The following DAD1 variants were observed in gnomAD, a reference collection of about 807,000 sequenced individuals.
The protein encoded by DAD1 is dolichyl-diphosphooligosaccharide--protein glycosyltransferase subunit DAD1.
Under a neutral mutation model 9.0 loss-of-function variants are expected in DAD1, and 4 were observed. The ratio of observed to expected loss-of-function variants is 0.44; its 90% CI spans 0.22 to 1.01. DAD1 has a LOEUF of 1.01. Ranked by LOEUF, DAD1 falls within the 50% of genes least tolerant of loss-of-function variation. The pLI is 0.24. For synonymous variants in DAD1, 60 were observed against 62.5 expected, an observed-to-expected ratio of 0.96 and a Z score of 0.19; for missense variants, 119 against 137.3, an observed-to-expected ratio of 0.87 and a Z score of 0.67.
At chr14:22,587,973 T>C (rs955365353) in intron 1 of DAD1, among the ~76,000 whole-genome samples, 3 of 152,186 alleles carry the variant, frequency 2.0e-5, no homozygotes, top group African/African-American at 7.2e-5. Flanking sequence ...TGACCTCAAG[T>C]GATCTGCCTA....
intron 1 of DAD1, among the ~76,000 whole-genome samples, chr14:22,580,455 T>A (rs761348869): frequency 6.6e-6 from 1 of 151,918 alleles, no homozygotes; most frequent in Non-Finnish European, 1.5e-5. Context: ...TATTTACATA[T>A]AATGATATAC....
intron 2 of DAD1, among the ~76,000 whole-genome samples, chr14:22,573,505 G>A (rs1247551227): frequency 6.6e-6 from 1 of 151,934 alleles, no homozygotes; most frequent in Non-Finnish European, 1.5e-5. Flanking sequence ...ACCAGGTCAG[G>A]AGATCGAGAT....
intron 1 of DAD1, among the ~76,000 whole-genome samples, chr14:22,577,603 AAAGG>A (rs1320514088): frequency 3.3e-5 from 5 of 152,252 alleles, no homozygotes; most frequent in African/African-American, 1.2e-4. Flanking sequence ...CTCAGCCTTA[AAAGG>A]AAGGAAATTC....
At chr14:22,574,947 G>A (rs2037066243) in intron 2 of DAD1, 112 bp downstream of exon 2, 5 of 853,362 alleles carry the variant, frequency 5.9e-6, no homozygotes, top group Non-Finnish European at 9.0e-6. Flanking sequence ...GGAAAATTCT[G>A]CAAATGTCAA....
chr14:22,584,726 G>A (rs918156604), intron 1 of DAD1, among the ~76,000 whole-genome samples: 12 of 152,218 alleles, frequency 7.9e-5, no homozygotes, highest in Admixed American at 5.2e-4. Context: ...GGCAAGAGAT[G>A]AAGCTGCAGA....
At chr14:22,568,053 T>A (rs2139235151) in intron 2 of DAD1, among the ~76,000 whole-genome samples, 2 of 152,352 alleles carry the variant, frequency 1.3e-5, no homozygotes, top group East Asian at 3.9e-4. Flanking sequence ...AAAGCCATCA[T>A]CTGAGAGTCC....
intron 1 of DAD1, among the ~76,000 whole-genome samples, chr14:22,580,890 T>C (rs552047913): frequency 6.6e-5 from 10 of 152,214 alleles, no homozygotes; most frequent in Admixed American, 5.9e-4. Flanking sequence ...AGAGCCTGTG[T>C]TACTGATAAG....
chr14:22,586,729 C>T (rs1355658954), intron 1 of DAD1, among the ~76,000 whole-genome samples: 2 of 152,138 alleles, frequency 1.3e-5, no homozygotes, highest in African/African-American at 4.8e-5. Flanking sequence ...GCTACCTTTG[C>T]CAACAATCAA....
chr14:22,579,839 C>CTTT (rs2037103352), intron 1 of DAD1, among the ~76,000 whole-genome samples: 1 of 105,222 alleles, frequency 9.5e-6, no homozygotes, highest in Non-Finnish European at 2.0e-5. Context: ...AAAAGCCAAT[C>CTTT]CTTTTTTTTT....
In DAD1 at chr14:22,565,108, A is replaced by G. The variant is rs761741510; in HGVS notation, c.*74T>C. 1.4e-6 allele frequency: 1 copy of G among 702,230 alleles called. No homozygotes were observed. Among genetic ancestry groups the G allele is most frequent in the South Asian group, 1.5e-5 (1 of 67,586 alleles). 43.5% of individuals were successfully genotyped at this position (702,230 alleles called of 1,614,324 possible). On this transcript the variant is annotated 3_prime_UTR_variant, in exon 3 of 3. Transcript: ENST00000250498. ...TGTCCAATAAGCTGCCATCTCCAGA[A>G]CTCTTATCCAGGAAATTCAAAGAGT...
chr14:22,580,781 T>C (rs1473556814), intron 1 of DAD1, among the ~76,000 whole-genome samples: 4 of 152,200 alleles, frequency 2.6e-5, no homozygotes, highest in Non-Finnish European at 5.9e-5. Flanking sequence ...GTGGCCATGC[T>C]TGGGGAGGCG....
At chr14:22,576,942 G>A (rs1327244921) in intron 1 of DAD1, among the ~76,000 whole-genome samples, 1 of 152,128 alleles carries the variant, frequency 6.6e-6, no homozygotes, top group Non-Finnish European at 1.5e-5. Context: ...ACATCTATTA[G>A]GATGTCTAGT....
At chr14:22,574,473 G>C (rs1220602702) in intron 2 of DAD1, among the ~76,000 whole-genome samples, 1 of 152,138 alleles carries the variant, frequency 6.6e-6, no homozygotes, top group Non-Finnish European at 1.5e-5. Flanking sequence ...GTTTGTTTGG[G>C]AGAAGGGAGA....
rs994569955 is a variant in DAD1, at chr14:22,588,484, A to G, written c.211+463T>C. Among the ~76,000 whole-genome samples, 7 of 152,230 alleles carry G rather than the reference A, an allele frequency of 4.6e-5. No homozygotes were observed. In the South Asian group the frequency reaches 8.3e-4, roughly 18 times the overall value. On this transcript the variant is annotated intron_variant, in intron 1 of 2. Transcript: ENST00000250498. ...TAGTAGCAGCTAAAAGGCAAAATCA[A>G]GTAAAGGATGATTCAACAAGAAAAG...
intron 1 of DAD1, among the ~76,000 whole-genome samples, chr14:22,576,932 A>T (rs996343651): frequency 1.3e-5 from 2 of 152,220 alleles, no homozygotes; most frequent in South Asian, 4.1e-4. Context: ...ATATCACCTC[A>T]CATCTATTAG....
chr14:22,572,231 A>G (rs895595435), intron 2 of DAD1, among the ~76,000 whole-genome samples: 2 of 152,124 alleles, frequency 1.3e-5, no homozygotes, highest in African/African-American at 2.4e-5. Context: ...CTCTCAACTT[A>G]GTTGGAAAAT....
intron 2 of DAD1, among the ~76,000 whole-genome samples, chr14:22,571,624 T>TC (rs2037041126): frequency 1.7e-5 from 2 of 116,132 alleles, no homozygotes; most frequent in Non-Finnish European, 3.4e-5. Context: ...AGCAAGGGGC[T>TC]CTTTTTTTTT....
chr14:22,583,175 G>T (rs779291383), intron 1 of DAD1, among the ~76,000 whole-genome samples: 1 of 152,054 alleles, frequency 6.6e-6, no homozygotes, highest in Non-Finnish European at 1.5e-5. Context: ...TTTGGAATTC[G>T]GGGGACAGTT....
In DAD1 at chr14:22,575,096, G is replaced by T. The variant is rs751309368; in HGVS notation, c.*7C>A. On this transcript the variant is annotated 3_prime_UTR_variant, in exon 2 of 3. Transcript: ENST00000250498. ...TCCTACTCCTCAATTAAGTAAATGA[G>T]AATGATTCAGCCAACAAAGTTCATG... 9 of 1,613,596 alleles carry T rather than the reference G, an allele frequency of 5.6e-6. No individual in the cohort carries two copies. Among genetic ancestry groups the T allele is most frequent in the Non-Finnish European group, 7.6e-6 (9 of 1,179,788 alleles).
Sources: gnomAD v4.1 joint callset for allele counts (sites outside exome capture counted in the v4.1 genomes callset) on GRCh38, gnomAD v4.1.1 for gene constraint, MANE v1.5 for transcripts, NCBI Gene and HGNC (gene_info 2026-07-23, HGNC 2026-07-21) for gene names.